The following DST variants were observed in gnomAD, a reference collection of about 807,000 sequenced individuals.
DST encodes the protein bullous pemphigoid antigen.
A neutral mutation model predicts 875.2 loss-of-function variants in DST; 253 were observed. That is an observed-to-expected ratio of 0.29 (90% confidence interval 0.26 to 0.32). The LOEUF is 0.32. DST is among the 10% of genes least tolerant of loss of function. The pLI is 1.00. For missense variants in DST, 8,287 were observed against 9,111.6 expected (o/e 0.91, Z 3.68); for synonymous variants, 3,124 against 3,197.1 (o/e 0.98, Z 0.77).
Position 56,725,825 on chromosome 6 carries a change from T to C in DST, c.687+9403A>G, listed in dbSNP as rs1047368043. On this transcript the variant is annotated intron_variant, in intron 5 of 103. Transcript: ENST00000680361. Reference sequence around the variant, plus strand: ...ATGACTTATGAAAGCTCCCATTCCATATGTTAAGAACTCTATACATATGCA... The same window carrying C: ...ATGACTTATGAAAGCTCCCATTCCACATGTTAAGAACTCTATACATATGCA... 2.6e-5 allele frequency among the ~76,000 whole-genome samples: 4 copies of C among 152,196 alleles called. No individual in the cohort carries two copies. In the South Asian group the frequency reaches 6.2e-4, roughly 24 times the overall value.
At chr6:56,890,165 G>T (rs1049397685) in intron 3 of DST, among the ~76,000 whole-genome samples, 2 of 152,156 alleles carry the variant, frequency 1.3e-5, no homozygotes, top group African/African-American at 4.8e-5. Context: ...TGATCTACCA[G>T]CTGTATGACC....
chr6:56,506,735 G>T lies in DST; in HGVS notation c.19294C>A (p.Leu6432Ile). 1.2e-6 allele frequency: 2 copies of T among 1,613,528 alleles called. No individual in the cohort carries two copies. Among genetic ancestry groups the T allele is most frequent in the Non-Finnish European group, 1.7e-6 (2 of 1,179,626 alleles). Reference protein sequence around the residue: ...LQEELDIVINLGSELIAACGE... With the variant: ...LQEELDIVINIGSELIAACGE... ...CATGCCGCAATGAGTTCAGAACCTAGGTTAATAACTATATCCAGCTCCTCC... is the reference window on the plus strand; with the variant it reads ...CATGCCGCAATGAGTTCAGAACCTATGTTAATAACTATATCCAGCTCCTCC... The change falls in exon 76 of 104, where the codon CTA (leucine) becomes ATA (isoleucine). Residue 6432 changes from leucine to isoleucine, a missense_variant. Coordinates refer to ENST00000680361, the MANE Select transcript of DST (RefSeq NM_001374736.1).
chr6:56,941,789 T>C (rs1816752512), intron 2 of DST, among the ~76,000 whole-genome samples: 1 of 152,170 alleles, frequency 6.6e-6, no homozygotes, highest in Admixed American at 6.5e-5. Context: ...CCAATGAGTG[T>C]GGTGTTTCTA....
chr6:56,902,402 T>C (rs551415992), intron 2 of DST, among the ~76,000 whole-genome samples: 107 of 152,338 alleles, frequency 7.0e-4, no homozygotes, highest in African/African-American at 2.5e-3. Context: ...TGTGGGATTC[T>C]GAAAGATAAA....
chr6:56,803,323 G>T (rs2099749432), intron 4 of DST, among the ~76,000 whole-genome samples: 1 of 152,004 alleles, frequency 6.6e-6, no homozygotes. Flanking sequence ...AATCTTACTT[G>T]GTAACTTTGC....
At chr6:56,591,757 G>A (rs1220144705) in intron 49 of DST, among the ~76,000 whole-genome samples, 1 of 152,058 alleles carries the variant, frequency 6.6e-6, no homozygotes, top group African/African-American at 2.4e-5. Flanking sequence ...TGGATTACCT[G>A]AGGTCAGGAG....
chr6:56,942,706 CTTTTTTTTTTTTTT>C (rs67354752), intron 2 of DST, among the ~76,000 whole-genome samples: 2 of 66,006 alleles, frequency 3.0e-5, no homozygotes, highest in African/African-American at 1.3e-4. Context: ...TGCCATTTCT[CTTTTTTTTTTTTTT>C]TTTTTTTTTT....
intron 43 of DST, 27 bp downstream of exon 43, chr6:56,602,854 AT>A (rs1426546022): frequency 6.9e-6 from 10 of 1,444,464 alleles, no homozygotes; most frequent in Non-Finnish European, 8.2e-6. Flanking sequence ...TTTGAAATAT[AT>A]TTTGTCATCT....
intron 60 of DST, among the ~76,000 whole-genome samples, 159 bp downstream of exon 60, chr6:56,555,186 A>T (rs1201011964): frequency 1.3e-5 from 2 of 152,208 alleles, no homozygotes; most frequent in Non-Finnish European, 2.9e-5. Flanking sequence ...ATGAACACAA[A>T]ACTGCTCTCT....
intron 4 of DST, chr6:56,843,479 T>C: frequency 1.0e-6 from 1 of 993,018 alleles, no homozygotes; most frequent in Non-Finnish European, 1.2e-6. Flanking sequence ...GAGCGGGGCG[T>C]GCGGCGAGGG....
chr6:56,529,041 C>T (rs1735132941), intron 66 of DST, 116 bp from the exon 67 acceptor site: 1 of 725,848 alleles, frequency 1.4e-6, no homozygotes. Flanking sequence ...GAGTAAATAT[C>T]TCACATTTTC....
At position 56,794,217 on chromosome 6, in the gene DST, A is replaced by T. The variant is rs990185733; in HGVS notation, c.625+57180T>A. Among the ~76,000 whole-genome samples the T allele has an allele frequency of 5.8e-4, 89 of 152,384 alleles. 3 individuals are homozygous for T. The highest frequency in any genetic ancestry group is 3.9e-3 in the Admixed American group (60 of 15,308). On this transcript the variant is annotated intron_variant, in intron 4 of 103. Transcript: ENST00000680361. ...GTATTTCGACTGAACCTCAGAGCTG[A>T]CATGCAAAATAGAATCATTATGACA...
At chr6:56,923,462 G>GGA (rs1160584577) in intron 2 of DST, among the ~76,000 whole-genome samples, 1 of 82,350 alleles carries the variant, frequency 1.2e-5, no homozygotes. Flanking sequence ...CGGCTCACTG[G>GGA]CAAAAAAAAA....
intron 4 of DST, among the ~76,000 whole-genome samples, chr6:56,761,218 AG>A (rs1301939366): frequency 6.6e-6 from 1 of 152,228 alleles, no homozygotes; most frequent in African/African-American, 2.4e-5. Flanking sequence ...TCAAGCCTTC[AG>A]AGGACAGCAG....
intron 2 of DST, among the ~76,000 whole-genome samples, chr6:56,934,562 A>T (rs773590863): frequency 0.033 from 1,025 of 30,986 alleles, 38 homozygotes; most frequent in Middle Eastern, 0.056. Flanking sequence ...ATATTATATT[A>T]TATATATATA....
At chr6:56,839,733 GA>G (rs2099797761) in intron 4 of DST, among the ~76,000 whole-genome samples, 1 of 152,146 alleles carries the variant, frequency 6.6e-6, no homozygotes, top group Non-Finnish European at 1.5e-5. Context: ...AACTGAAAAT[GA>G]AAATTATGGT....
chr6:56,478,071 T>A (rs1285343177), intron 90 of DST, among the ~76,000 whole-genome samples: 1 of 152,120 alleles, frequency 6.6e-6, no homozygotes, highest in Non-Finnish European at 1.5e-5. Context: ...AAAATAACTC[T>A]CCCAAATTTA....
At chr6:56,920,920 T>TG (rs1592508973) in intron 2 of DST, among the ~76,000 whole-genome samples, 1 of 139,136 alleles carries the variant, frequency 7.2e-6, no homozygotes, top group East Asian at 2.2e-4. Context: ...TTTTTTTTTT[T>TG]TTTCACAGAG....
intron 55 of DST, among the ~76,000 whole-genome samples, chr6:56,566,630 G>A (rs1273282197): frequency 6.6e-6 from 1 of 152,150 alleles, no homozygotes; most frequent in Non-Finnish European, 1.5e-5. Context: ...GCAGACTGGA[G>A]CTGTTCCTAT....
Sources: allele counts gnomAD v4.1 joint callset (sites outside exome capture counted in the v4.1 genomes callset), GRCh38; gene constraint gnomAD v4.1.1; transcripts MANE v1.5; gene names NCBI Gene and HGNC (gene_info 2026-07-23, HGNC 2026-07-21).